Variants in SOBP observed in about 807,000 individuals in gnomAD.
SOBP encodes the protein sine oculis-binding protein homolog.
In SOBP, 4 loss-of-function variants were observed where a neutral mutation model predicts 53.6. The observed-to-expected ratio is 0.07, with a 90% confidence interval of 0.04 to 0.17. SOBP has a LOEUF of 0.17. Among genes scored for constraint, SOBP ranks in the 10% least tolerant of loss-of-function variants. SOBP has a pLI of 1.00. For synonymous variants in SOBP, 584 were observed against 522.6 expected, an observed-to-expected ratio of 1.12 and a Z score of -1.60; for missense variants, 1,088 against 1,204.7, an observed-to-expected ratio of 0.90 and a Z score of 1.43.
At chr6:107,605,057 C>A (rs78009891) in intron 5 of SOBP, among the ~76,000 whole-genome samples, 10 of 152,186 alleles carry the variant, frequency 6.6e-5, no homozygotes, top group African/African-American at 1.4e-4. Flanking sequence ...CCTCCTCCCC[C>A]CTCCACTCTG....
At chr6:107,574,714 A>G (rs1485067484) in intron 4 of SOBP, among the ~76,000 whole-genome samples, 1 of 151,862 alleles carries the variant, frequency 6.6e-6, no homozygotes, top group Non-Finnish European at 1.5e-5. Context: ...TTGGTCCCAT[A>G]CCCCAAGTCC....
chr6:107,514,196 G>C (rs575522377), intron 3 of SOBP: 55 of 152,292 alleles, frequency 3.6e-4, no homozygotes, highest in African/African-American at 1.3e-3. Context: ...GAACTTAATA[G>C]TACTGTTGGC....
intron 4 of SOBP, among the ~76,000 whole-genome samples, chr6:107,548,393 C>T (rs2115007346): frequency 6.6e-6 from 1 of 152,022 alleles, no homozygotes; most frequent in East Asian, 1.9e-4. Flanking sequence ...CAGGCGCCCG[C>T]CACCATGCCT....
intron 3 of SOBP, among the ~76,000 whole-genome samples, chr6:107,509,223 C>T (rs976509900): frequency 4.6e-5 from 7 of 151,950 alleles, no homozygotes; most frequent in Non-Finnish European, 1.0e-4. Flanking sequence ...GGAGAAACCC[C>T]ATCTCTACTA....
chr6:107,638,500 C>A (rs564599264), intron 6 of SOBP, among the ~76,000 whole-genome samples: 2 of 152,172 alleles, frequency 1.3e-5, no homozygotes, highest in Non-Finnish European at 1.5e-5. Context: ...TGTGAGCCAA[C>A]GTGCCCAGGC....
At chr6:107,636,191 A>G (rs1007032214) in intron 6 of SOBP, 3 of 157,720 alleles carry the variant, frequency 1.9e-5, no homozygotes, top group African/African-American at 7.2e-5. Flanking sequence ...TTTGGGGCCC[A>G]GCGGCTTAGC....
At chr6:107,497,802 A>C (rs139080710) in intron 1 of SOBP, among the ~76,000 whole-genome samples, 13 of 152,322 alleles carry the variant, frequency 8.5e-5, no homozygotes, top group Non-Finnish European at 1.2e-4. Context: ...TTTCTAAGAA[A>C]ACAATGCTGA....
At chr6:107,556,968 G>A (rs1291794624) in intron 4 of SOBP, among the ~76,000 whole-genome samples, 2 of 152,154 alleles carry the variant, frequency 1.3e-5, no homozygotes, top group Non-Finnish European at 2.9e-5. Flanking sequence ...GTCATTAATA[G>A]CAGTAATAAC....
At chr6:107,566,258 A>T (rs1469013253) in intron 4 of SOBP, among the ~76,000 whole-genome samples, 4 of 152,348 alleles carry the variant, frequency 2.6e-5, no homozygotes, top group South Asian at 4.1e-4. Flanking sequence ...CTTAGATTTA[A>T]TGCAGTGCCC....
chr6:107,636,269 G>A (rs1025641482), intron 6 of SOBP: 1 of 154,714 alleles, frequency 6.5e-6, no homozygotes, highest in African/African-American at 2.4e-5. Flanking sequence ...TTGCTAAAGT[G>A]AGTGACACTG....
intron 4 of SOBP, among the ~76,000 whole-genome samples, chr6:107,561,960 A>C (rs529045665): frequency 1.3e-5 from 2 of 152,048 alleles, no homozygotes; most frequent in African/African-American, 4.8e-5. Context: ...GAGATGACAA[A>C]AATCATGTAT....
chr6:107,579,522 G>A lies in SOBP; in HGVS notation c.574-7558G>A, dbSNP rs370290316. Among the ~76,000 whole-genome samples the A allele has an allele frequency of 9.9e-5, 15 of 152,174 alleles. No individual in the cohort carries two copies. In the East Asian group the frequency reaches 1.7e-3, roughly 18 times the overall value. ...AGTTTTAATGTGCTGGGATGAACAT[G>A]ATATATTTTAGTTCATGTGGAAGCT... On this transcript the variant is annotated intron_variant, in intron 4 of 6. Coordinates refer to ENST00000317357, the MANE Select transcript of SOBP (RefSeq NM_018013.4).
At chr6:107,583,255 T>C (rs549273558) in intron 4 of SOBP, among the ~76,000 whole-genome samples, 16 of 152,294 alleles carry the variant, frequency 1.1e-4, no homozygotes, top group African/African-American at 3.6e-4. Context: ...GATACAGTGG[T>C]GGGAGATCAG....
chr6:107,648,286 TGA>T (rs1383803679), intron 6 of SOBP, among the ~76,000 whole-genome samples: 1 of 152,102 alleles, frequency 6.6e-6, no homozygotes, highest in Non-Finnish European at 1.5e-5. Context: ...GCCGCAGTCT[TGA>T]GAGTCAGGGT....
chr6:107,613,845 A>G (rs1349002688), intron 5 of SOBP, among the ~76,000 whole-genome samples: 1 of 152,208 alleles, frequency 6.6e-6, no homozygotes, highest in African/African-American at 2.4e-5. Flanking sequence ...TGGGTTTTTA[A>G]CAGGGGACTC....
intron 4 of SOBP, among the ~76,000 whole-genome samples, chr6:107,563,656 T>C (rs1167258296): frequency 2.0e-5 from 3 of 152,112 alleles, no homozygotes; most frequent in South Asian, 4.1e-4. Context: ...GCATTTTCAT[T>C]GTTCCTTTTT....
At chr6:107,598,550 G>T (rs1786034993) in intron 5 of SOBP, among the ~76,000 whole-genome samples, 1 of 152,154 alleles carries the variant, frequency 6.6e-6, no homozygotes, top group African/African-American at 2.4e-5. Flanking sequence ...AGTAGGTTGT[G>T]GTCAGATAAT....
intron 3 of SOBP, chr6:107,511,700 C>T: frequency 6.6e-6 from 1 of 152,250 alleles, no homozygotes; most frequent in Non-Finnish European, 1.5e-5. Flanking sequence ...TACTTCTGGG[C>T]CTGGAGAACT....
At chr6:107,506,174 A>G (rs1464201335) in intron 2 of SOBP, 68 bp from the exon 3 acceptor site, 1 of 1,408,248 alleles carries the variant, frequency 7.1e-7, no homozygotes, top group Non-Finnish European at 1.0e-6. Context: ...TTGAGAAAAT[A>G]AGGAAAAATT....
Sources: gnomAD v4.1 joint callset for allele counts (sites outside exome capture counted in the v4.1 genomes callset) on GRCh38, gnomAD v4.1.1 for gene constraint, MANE v1.5 for transcripts, NCBI Gene and HGNC (gene_info 2026-07-23, HGNC 2026-07-21) for gene names.